The following IPPK variants were observed in gnomAD, a reference collection of about 807,000 sequenced individuals.
IPPK encodes IPK1 homolog.
Under a neutral mutation model 64.6 loss-of-function variants are expected in IPPK, and 22 were observed. The ratio of observed to expected loss-of-function variants is 0.34; its 90% CI spans 0.24 to 0.49. The LOEUF (loss-of-function observed/expected upper bound fraction) is 0.49, where lower values mean the gene tolerates loss of function less well. Ranked by LOEUF, IPPK falls within the 20% of genes least tolerant of loss-of-function variation. IPPK has a pLI of 0.99. For synonymous variants in IPPK, 262 were observed against 247.2 expected, an observed-to-expected ratio of 1.06 and a Z score of -0.56; for missense variants, 532 against 630.7, an observed-to-expected ratio of 0.84 and a Z score of 1.68.
At chr9:92,621,033 T>C (rs1189288878) in intron 11 of IPPK, among the ~76,000 whole-genome samples, 1 of 152,222 alleles carries the variant, frequency 6.6e-6, no homozygotes, top group Non-Finnish European at 1.5e-5. Context: ...GACTTCCTTA[T>C]CCACAGCCCT....
chr9:92,626,401 A>T (rs921697413), intron 11 of IPPK, among the ~76,000 whole-genome samples: 8 of 152,210 alleles, frequency 5.3e-5, no homozygotes, highest in African/African-American at 1.9e-4. Context: ...CATCTCAAAA[A>T]CAAAAAAAGA....
chr9:92,638,927 C>T (rs1159067847), intron 8 of IPPK, among the ~76,000 whole-genome samples: 4 of 152,252 alleles, frequency 2.6e-5, no homozygotes, highest in African/African-American at 9.6e-5. Context: ...TGCTGCCATG[C>T]CCAGGGGGAG....
intron 8 of IPPK, among the ~76,000 whole-genome samples, chr9:92,638,748 C>T (rs760426625): frequency 1.3e-5 from 2 of 152,236 alleles, no homozygotes; most frequent in Non-Finnish European, 2.9e-5. Flanking sequence ...CCAGGGTGAC[C>T]CCAGTGCTGG....
chr9:92,668,877 GAAC>G (rs1042484720), intron 1 of IPPK, among the ~76,000 whole-genome samples: 2 of 152,162 alleles, frequency 1.3e-5, no homozygotes, highest in African/African-American at 2.4e-5. Context: ...CCCAGCATAG[GAAC>G]AACAGAAGCA....
At chr9:92,621,643 C>A (rs550477828) in intron 11 of IPPK, among the ~76,000 whole-genome samples, 2 of 151,456 alleles carry the variant, frequency 1.3e-5, no homozygotes, top group East Asian at 3.9e-4. Context: ...GTCTCTCAGG[C>A]AGGTAAGACT....
intron 1 of IPPK, among the ~76,000 whole-genome samples, chr9:92,667,095 G>A (rs550187245): frequency 2.4e-4 from 36 of 152,332 alleles, no homozygotes; most frequent in South Asian, 8.3e-4. Context: ...GGTCAGCACA[G>A]GACTCATTAG....
At chr9:92,640,992 C>G (rs1008546736) in intron 7 of IPPK, among the ~76,000 whole-genome samples, 2 of 152,208 alleles carry the variant, frequency 1.3e-5, no homozygotes, top group African/African-American at 4.8e-5. Context: ...TGCAGCTCCA[C>G]AGCCTGACAC....
chr9:92,628,062 C>A (rs1564029320), intron 11 of IPPK, among the ~76,000 whole-genome samples: 1 of 152,100 alleles, frequency 6.6e-6, no homozygotes, highest in Non-Finnish European at 1.5e-5. Flanking sequence ...AATGAGCAAT[C>A]TGAAAATGGA....
chr9:92,669,164 T>TCCCTCACCCCCCTCCCCC (rs1852669727), intron 1 of IPPK, among the ~76,000 whole-genome samples: 1 of 151,968 alleles, frequency 6.6e-6, no homozygotes, highest in African/African-American at 2.4e-5. Flanking sequence ...TATCCTCGCC[T>TCCCTCACCCCCCTCCCCC]CCCTCACCCC....
rs746202386 is a variant in IPPK, at chr9:92,615,928, G to C, written c.1380C>G (p.Asn460Lys). 1.2e-6 allele frequency: 2 copies of C among 1,614,082 alleles called. No homozygotes were observed. Among genetic ancestry groups the C allele is most frequent in the Non-Finnish European group, 1.7e-6 (2 of 1,180,040 alleles). Residue 460 changes from asparagine to lysine, a missense_variant, in exon 13 of 13, where the codon AAC (asparagine) becomes AAG (lysine). Coordinates refer to ENST00000287996, the MANE Select transcript of IPPK (RefSeq NM_022755.6). ...TGGCACGTACAGTCTTTGAATAATA[G>C]TTGACGATCTTGCCGTCCAGTTTAT... is the stretch of plus-strand genomic sequence containing the variant. ...HQYKLDGKIV[N>K]YYSKTVRAKD...
At chr9:92,630,760 T>C (rs1289131656) in intron 11 of IPPK, among the ~76,000 whole-genome samples, 4 of 152,180 alleles carry the variant, frequency 2.6e-5, no homozygotes, top group African/African-American at 9.7e-5. Context: ...GTCCTTATAT[T>C]GTGTGTGGAC....
chr9:92,622,252 T>G (rs1851653524), intron 11 of IPPK, among the ~76,000 whole-genome samples: 1 of 152,196 alleles, frequency 6.6e-6, no homozygotes, highest in African/African-American at 2.4e-5. Context: ...TAAAATGCTT[T>G]TGAGATTTGG....
rs376073558 is a variant in IPPK at position 92,635,087 on chromosome 9, C to A, written c.1067+71G>T. On this transcript the variant is annotated intron_variant, in intron 10 of 12. Transcript: ENST00000287996. The surrounding 1 kb of genome is among the most constrained non-coding windows in gnomAD (Gnocchi z 4.4). ...TCCTGGGAAGCTGTGCCTTGGGAGG[C>A]GCATTCTTACCCTGCCCACTCCCAC... 3.3e-5 allele frequency: 47 copies of A among 1,419,112 alleles called. No individual in the cohort carries two copies. The African/African-American group carries it at 5.0e-4, about 15-fold the overall frequency. The allele number at this position is 1,419,112 out of a possible 1,614,324, so 87.9% of individuals were successfully genotyped here. A position where few individuals can be genotyped will look rare whatever the true frequency, so the allele number is the denominator to read the frequency against.
intron 4 of IPPK, among the ~76,000 whole-genome samples, chr9:92,652,026 G>C (rs568506143): frequency 1.1e-4 from 17 of 152,256 alleles, no homozygotes; most frequent in African/African-American, 4.1e-4. Context: ...ACAGGCGAGA[G>C]CCACCGCACC....
intron 2 of IPPK, 70 bp downstream of exon 2, chr9:92,658,564 C>A (rs1852419471): frequency 1.1e-5 from 14 of 1,296,014 alleles, no homozygotes; most frequent in Non-Finnish European, 1.6e-5. Context: ...AATGTTTCTA[C>A]ATCGGAAAAA....
intron 9 of IPPK, among the ~76,000 whole-genome samples, chr9:92,636,404 A>G (rs1851943870): frequency 6.6e-6 from 1 of 152,206 alleles, no homozygotes; most frequent in Non-Finnish European, 1.5e-5. Context: ...TGGGAGGCCA[A>G]TGCTGGCAGA....
In IPPK at chr9:92,615,895, G is replaced by C. The variant is rs112162638; in HGVS notation, c.1413C>G (p.Asn471Lys). ...CCTTGAACCGAGTCGACATCACGGC[G>C]TTGTCTTTGGCACGTACAGTCTTTG... ...YYSKTVRAKD[N>K]AVMSTRFKES... is the part of the protein sequence containing the mutation. Residue 471 changes from asparagine (N) to lysine (K), a missense_variant, in exon 13 of 13, where the codon AAC becomes AAG. Coordinates refer to ENST00000287996, the MANE Select transcript of IPPK (RefSeq NM_022755.6). 6.2e-7 allele frequency: 1 copy of C among 1,614,064 alleles called. No homozygotes were observed. The highest frequency in any genetic ancestry group is 8.5e-7 in the Non-Finnish European group (1 of 1,180,036).
chr9:92,651,530 G>A (rs1050809847), intron 4 of IPPK, among the ~76,000 whole-genome samples: 8 of 152,222 alleles, frequency 5.3e-5, no homozygotes, highest in South Asian at 2.1e-4. Flanking sequence ...CCTAGACTCC[G>A]GTTGGGGACA....
chr9:92,642,658 A>G (rs1420663535), intron 7 of IPPK, 94 bp downstream of exon 7: 3 of 1,042,040 alleles, frequency 2.9e-6, no homozygotes, highest in Non-Finnish European at 4.5e-6. Context: ...CTGCCTTCCT[A>G]CCTCACGAAA....
Sources: allele counts gnomAD v4.1 joint callset (sites outside exome capture counted in the v4.1 genomes callset), GRCh38; gene constraint gnomAD v4.1.1; non-coding constraint Gnocchi (gnomAD v3.1); transcripts MANE v1.5; gene names NCBI Gene and HGNC (gene_info 2026-07-23, HGNC 2026-07-21).